Variants in ING5 observed in about 807,000 individuals in gnomAD.
ING5 encodes the protein inhibitor of growth protein 5.
Under a neutral mutation model 37.4 loss-of-function variants are expected in ING5, and 17 were observed. That is an observed-to-expected ratio of 0.45 (90% CI 0.31 to 0.68). The LOEUF (loss-of-function observed/expected upper bound fraction) is 0.68. ING5 is among the 30% of genes least tolerant of loss of function. ING5 has a pLI of 0.05. For synonymous variants in ING5, 123 were observed against 116.6 expected, an observed-to-expected ratio of 1.06 and a Z score of -0.36; for missense variants, 233 against 311.9, an observed-to-expected ratio of 0.75 and a Z score of 1.91.
In ING5 at chr2:241,726,105, G is replaced by A. The variant is rs2124960584; in HGVS notation, c.*1074G>A. The A allele has an allele frequency of 6.5e-6, 1 of 152,714 alleles. No individual in the cohort carries two copies. Among genetic ancestry groups the A allele is most frequent in the African/African-American group, 2.4e-5 (1 of 41,578 alleles). 9.5% of individuals were successfully genotyped at this position (152,714 alleles called of 1,614,324 possible). On this transcript the variant is annotated 3_prime_UTR_variant, in exon 8 of 8. Transcript: ENST00000313552. ...ATTTGCTCTGTTGTGACGCGTTGGT[G>A]ACGGTGCCCAGCCTGCGGTTCCCCA...
intron 5 of ING5, chr2:241,722,176 G>C: frequency 9.1e-6 from 9 of 985,448 alleles, no homozygotes; most frequent in Non-Finnish European, 1.1e-5. Context: ...GCTGTTGACT[G>C]TGCGGGCTGC....
chr2:241,698,122 T>TA (rs1239154621), upstream of ING5, among the ~76,000 whole-genome samples: 1 of 147,950 alleles, frequency 6.8e-6, no homozygotes, highest in Admixed American at 6.8e-5. Context: ...AATGAACCCT[T>TA]ATGGAAATAA....
rs145331226 is a variant in ING5, at chr2:241,704,702, A to G, written c.87A>G (p.Arg29=). The G allele has an allele frequency of 1.9e-4, 312 of 1,614,022 alleles. No homozygotes were observed. In the African/African-American group the frequency reaches 3.6e-3, roughly 19 times the overall value. ...CELQRNFQLM[R]ELDQRTEDKK... is the part of the protein sequence containing the mutation. The stretch of plus-strand genomic sequence containing the variant: ...TTCAGAGGAACTTCCAGCTGATGCG[A>G]GAGCTGGACCAGAGGACGGAAGGTG... The change falls in exon 2 of 8, where the codon CGA becomes CGG. Residue 29 remains arginine, a synonymous_variant. Transcript: ENST00000313552.
At chr2:241,720,145 G>A in intron 5 of ING5, 2 of 1,237,258 alleles carry the variant, frequency 1.6e-6, no homozygotes, top group Non-Finnish European at 2.0e-6. Context: ...TGGACCCAAA[G>A]CCTGGCCTGC....
At chr2:241,717,649 A>G (rs1284050504) in intron 5 of ING5, among the ~76,000 whole-genome samples, 1 of 147,350 alleles carries the variant, frequency 6.8e-6, no homozygotes, top group Non-Finnish European at 1.5e-5. Context: ...TCTGTCTTTC[A>G]TTGATTCTGA....
At chr2:241,700,454 C>T (rs1332700403), upstream of ING5, among the ~76,000 whole-genome samples, 3 of 146,226 alleles carry the variant, frequency 2.1e-5, no homozygotes, top group Non-Finnish European at 4.6e-5. Flanking sequence ...ACCGCGCCTG[C>T]CCTATTTTAT....
At chr2:241,724,383 G>A (rs1050106960) in intron 7 of ING5, among the ~76,000 whole-genome samples, 7 of 152,238 alleles carry the variant, frequency 4.6e-5, no homozygotes, top group Non-Finnish European at 8.8e-5. Flanking sequence ...TTAGGGCGGA[G>A]GGCCCTGGGC....
At chr2:241,723,389 C>T in intron 7 of ING5, 118 bp downstream of exon 7, 1 of 1,111,368 alleles carries the variant, frequency 9.0e-7, no homozygotes, top group Non-Finnish European at 1.4e-6. Context: ...GACACGGTAG[C>T]CACGTAGGCA....
chr2:241,708,352 C>T (rs922854001), intron 2 of ING5, among the ~76,000 whole-genome samples: 2 of 151,794 alleles, frequency 1.3e-5, no homozygotes, highest in East Asian at 3.9e-4. Context: ...GGACTATAGG[C>T]ACCCGCCACC....
intron 3 of ING5, among the ~76,000 whole-genome samples, chr2:241,710,896 A>C (rs911903405): frequency 2.0e-5 from 3 of 151,700 alleles, no homozygotes; most frequent in African/African-American, 7.3e-5. Flanking sequence ...TACAGGCGTG[A>C]GCCACCGCGC....
chr2:241,722,804 T>A, intron 5 of ING5, 135 bp from the exon 6 acceptor site: 1 of 1,507,418 alleles, frequency 6.6e-7, no homozygotes, highest in Non-Finnish European at 8.8e-7. Flanking sequence ...CGGTACCAAT[T>A]TCCCCCTTGG....
chr2:241,722,476 C>T (rs1450040194), intron 5 of ING5: 27 of 985,178 alleles, frequency 2.7e-5, no homozygotes, highest in South Asian at 1.9e-4. Flanking sequence ...TGCCTGGGCC[C>T]GAAGGTGGGC....
At chr2:241,706,956 A>T (rs1358472991) in intron 2 of ING5, among the ~76,000 whole-genome samples, 17 of 120,726 alleles carry the variant, frequency 1.4e-4, no homozygotes, top group African/African-American at 1.6e-4. Flanking sequence ...TGGTGTGGCA[A>T]TTTTTTTTTT....
In ING5 at chr2:241,725,869, G is replaced by A. The variant is rs1691602527; in HGVS notation, c.*838G>A. The A allele has an allele frequency of 6.5e-6, 1 of 152,672 alleles. No homozygotes were observed. The allele number at this position is 152,672 out of a possible 1,614,324, so 9.5% of individuals were successfully genotyped here. ...TGAGTCCCGTCTGCCAGGAGCTGAC[G>A]AACCACGAATGCTTCTGCCTGTGCT... is the stretch of plus-strand genomic sequence containing the variant. On this transcript the variant is annotated 3_prime_UTR_variant, in exon 8 of 8. Coordinates refer to ENST00000313552, the MANE Select transcript of ING5 (RefSeq NM_032329.6).
At chr2:241,707,376 C>G (rs953406855) in intron 2 of ING5, among the ~76,000 whole-genome samples, 1 of 147,474 alleles carries the variant, frequency 6.8e-6, no homozygotes, top group African/African-American at 2.5e-5. Context: ...CCGCAACCTC[C>G]GCCTCCCGGG....
chr2:241,714,124 A>AAT (rs2070197189), intron 5 of ING5, among the ~76,000 whole-genome samples: 1 of 152,206 alleles, frequency 6.6e-6, no homozygotes, highest in Middle Eastern at 3.2e-3. Context: ...GTCAGTGATT[A>AAT]ACTGCTGCTG....
intron 2 of ING5, among the ~76,000 whole-genome samples, chr2:241,708,468 A>G (rs776080584): frequency 5.3e-5 from 8 of 152,112 alleles, no homozygotes; most frequent in Non-Finnish European, 1.0e-4. Flanking sequence ...CGGCCTCCAA[A>G]AGTGCTGGGA....
intron 2 of ING5, among the ~76,000 whole-genome samples, chr2:241,708,619 T>G (rs2069999886): frequency 6.6e-6 from 1 of 152,218 alleles, no homozygotes; most frequent in African/African-American, 2.4e-5. Context: ...TTTTGCTCCG[T>G]GTCACCTTCT....
At chr2:241,708,175 C>T (rs1035578117) in intron 2 of ING5, among the ~76,000 whole-genome samples, 1 of 151,888 alleles carries the variant, frequency 6.6e-6, no homozygotes, top group Admixed American at 6.6e-5. Context: ...GGATCACAGG[C>T]GTGAGCCGCC....
Sources: allele counts gnomAD v4.1 joint callset (sites outside exome capture counted in the v4.1 genomes callset), GRCh38; gene constraint gnomAD v4.1.1; transcripts MANE v1.5; gene names NCBI Gene and HGNC (gene_info 2026-07-23, HGNC 2026-07-21).